Variants in EXOC4 observed in about 807,000 individuals in gnomAD.
The protein encoded by EXOC4 is SEC8-like 1.
EXOC4 carries 71 observed loss-of-function variants against 107.2 expected under a neutral mutation model. The ratio of observed to expected loss-of-function variants is 0.66; its 90% CI spans 0.55 to 0.81. The LOEUF (loss-of-function observed/expected upper bound fraction) is 0.81, where lower values mean the gene tolerates loss of function less well. EXOC4 is among the 30% of genes least tolerant of loss of function. The pLI, the probability that EXOC4 is intolerant of heterozygous loss-of-function variation, is 0.00. For synonymous variants in EXOC4, 456 were observed against 441.2 expected (o/e 1.03, Z -0.42); for missense variants, 1,108 against 1,189.6 (o/e 0.93, Z 1.01).
chr7:133,773,284 A>T (rs1220761247), intron 10 of EXOC4, among the ~76,000 whole-genome samples: 2 of 151,986 alleles, frequency 1.3e-5, no homozygotes, highest in East Asian at 3.9e-4. Context: ...TCTCTAGGAC[A>T]GTGCTTCCCA....
At chr7:133,979,456 A>G (rs544727440) in intron 14 of EXOC4, among the ~76,000 whole-genome samples, 1 of 152,300 alleles carries the variant, frequency 6.6e-6, no homozygotes, top group Non-Finnish European at 1.5e-5. Context: ...TGAACAATTT[A>G]CAGGCTTTGG....
intron 10 of EXOC4, among the ~76,000 whole-genome samples, chr7:133,813,684 A>T (rs1797292300): frequency 6.6e-6 from 1 of 152,054 alleles, no homozygotes; most frequent in Admixed American, 6.6e-5. Context: ...CTCTTTAAAG[A>T]TCCATTATAT....
chr7:133,603,673 G>A (rs1801863560), intron 9 of EXOC4, among the ~76,000 whole-genome samples: 1 of 152,140 alleles, frequency 6.6e-6, no homozygotes, highest in South Asian at 2.1e-4. Context: ...CAGTTTAAAG[G>A]TGAAAATGGT....
intron 13 of EXOC4, among the ~76,000 whole-genome samples, chr7:133,934,189 T>C (rs558659812): frequency 1.3e-3 from 195 of 152,248 alleles, no homozygotes; most frequent in South Asian, 2.1e-3. Flanking sequence ...ATCAGAGGGA[T>C]TGGAAAAAAA....
At chr7:133,703,648 T>A (rs1234516929) in intron 10 of EXOC4, among the ~76,000 whole-genome samples, 1 of 152,178 alleles carries the variant, frequency 6.6e-6, no homozygotes, top group Non-Finnish European at 1.5e-5. Flanking sequence ...AACTGTGAGA[T>A]CATAGCCTTT....
chr7:133,513,756 C>A (rs1312703349), intron 9 of EXOC4, among the ~76,000 whole-genome samples: 1 of 152,096 alleles, frequency 6.6e-6, no homozygotes, highest in Non-Finnish European at 1.5e-5. Context: ...AGTAAATAGA[C>A]CTGAGGTGAG....
At chr7:134,058,884 C>A (rs1795990695) in intron 17 of EXOC4, among the ~76,000 whole-genome samples, 1 of 152,084 alleles carries the variant, frequency 6.6e-6, no homozygotes, top group Non-Finnish European at 1.5e-5. Context: ...TCTCAATTTT[C>A]TCATATGTAT....
In EXOC4 at chr7:133,486,811, G is replaced by A. The variant is rs562950390; in HGVS notation, c.1417+6673G>A. On this transcript the variant is annotated intron_variant, in intron 9 of 17. Coordinates refer to ENST00000253861, the MANE Select transcript of EXOC4 (RefSeq NM_021807.4). ...CTTAACTTACTTATATGTAAGATTT[G>A]TCTTATAATAAAGTTATAATAGAAT... Among the ~76,000 whole-genome samples the A allele has an allele frequency of 5.0e-4, 76 of 151,576 alleles. 1 individual carries two copies. The highest frequency in any genetic ancestry group is 3.4e-3 in the Middle Eastern group (1 of 292).
At chr7:133,790,010 C>G (rs1028498531) in intron 10 of EXOC4, among the ~76,000 whole-genome samples, 1 of 152,170 alleles carries the variant, frequency 6.6e-6, no homozygotes, top group Admixed American at 6.5e-5. Context: ...TCTCATGTAA[C>G]AAACCTGACG....
At chr7:134,007,401 A>G (rs1794666328) in intron 16 of EXOC4, among the ~76,000 whole-genome samples, 1 of 152,172 alleles carries the variant, frequency 6.6e-6, no homozygotes, top group Admixed American at 6.5e-5. Flanking sequence ...AGGCCTTGGC[A>G]TGGTGGCAGT....
intron 7 of EXOC4, among the ~76,000 whole-genome samples, chr7:133,390,595 C>T (rs1796830559): frequency 1.3e-5 from 2 of 152,104 alleles, no homozygotes; most frequent in South Asian, 4.2e-4. Flanking sequence ...TCTTTTAGTT[C>T]CTTCAGAAGC....
intron 17 of EXOC4, among the ~76,000 whole-genome samples, chr7:134,045,736 C>A (rs181319360): frequency 8.5e-5 from 13 of 152,082 alleles, no homozygotes; most frequent in African/African-American, 3.1e-4. Flanking sequence ...ATTTTCATCA[C>A]CCCGAAAGGA....
chr7:133,423,624 T>C (rs1309093778), intron 7 of EXOC4, among the ~76,000 whole-genome samples: 1 of 152,184 alleles, frequency 6.6e-6, no homozygotes, highest in East Asian at 1.9e-4. Context: ...TAGTGAGAGG[T>C]GACAACGTGC....
At chr7:133,811,615 A>T (rs544559002) in intron 10 of EXOC4, among the ~76,000 whole-genome samples, 1 of 152,258 alleles carries the variant, frequency 6.6e-6, no homozygotes, top group Admixed American at 6.5e-5. Flanking sequence ...ACTGTTCATT[A>T]GCTTGGTAGA....
At chr7:133,308,518 C>T (rs1794802793) in intron 4 of EXOC4, among the ~76,000 whole-genome samples, 1 of 152,166 alleles carries the variant, frequency 6.6e-6, no homozygotes, top group Admixed American at 6.5e-5. Flanking sequence ...CACAGACTTC[C>T]AGCCTGCAGA....
At chr7:134,051,215 A>G (rs1014148670) in intron 17 of EXOC4, among the ~76,000 whole-genome samples, 1 of 152,248 alleles carries the variant, frequency 6.6e-6, no homozygotes, top group Non-Finnish European at 1.5e-5. Flanking sequence ...TGAGAAAGAC[A>G]TCTGAGCATT....
At chr7:133,880,125 G>T (rs1454866434) in intron 11 of EXOC4, among the ~76,000 whole-genome samples, 1 of 152,080 alleles carries the variant, frequency 6.6e-6, no homozygotes, top group Non-Finnish European at 1.5e-5. Context: ...CCAGATCCCA[G>T]TTCAGGCTCC....
In EXOC4 at chr7:133,817,314, T is replaced by C. The variant is rs938499861; in HGVS notation, c.1515-11T>C. On this transcript the variant is annotated splice_polypyrimidine_tract_variant and intron_variant, in intron 10 of 17. Coordinates refer to ENST00000253861, the MANE Select transcript of EXOC4 (RefSeq NM_021807.4). ...ATAAATTTAATAACCTTCTTACTGT[T>C]TGTCCTCCAGATTTATTCAGGAGAT... 5.6e-6 allele frequency: 9 copies of C among 1,595,236 alleles called. No homozygotes were observed. The highest frequency in any genetic ancestry group is 7.7e-6 in the Non-Finnish European group (9 of 1,163,542).
intron 10 of EXOC4, among the ~76,000 whole-genome samples, chr7:133,685,268 A>C (rs1794271788): frequency 6.6e-6 from 1 of 152,104 alleles, no homozygotes; most frequent in Non-Finnish European, 1.5e-5. Flanking sequence ...TTAATCATGG[A>C]GTGGTTTCCC....
Sources: gnomAD v4.1 joint callset for allele counts (sites outside exome capture counted in the v4.1 genomes callset) on GRCh38, gnomAD v4.1.1 for gene constraint, MANE v1.5 for transcripts, NCBI Gene and HGNC (gene_info 2026-07-23, HGNC 2026-07-21) for gene names.